The following ELF1 variants were observed in gnomAD, a reference collection of about 807,000 sequenced individuals.
ELF1 encodes the protein E74 like ETS transcription factor 1, also known as ETS-related transcription factor Elf-1.
A neutral mutation model predicts 59.9 loss-of-function variants in ELF1; 24 were observed. The observed-to-expected ratio is 0.40, with a 90% CI of 0.29 to 0.56. The LOEUF (loss-of-function observed/expected upper bound fraction) is 0.56. Among genes scored for constraint, ELF1 ranks in the 20% least tolerant of loss-of-function variants. The pLI, the probability that ELF1 is intolerant of heterozygous loss-of-function variation, is 0.44. For missense variants in ELF1, 627 were observed against 742.2 expected (o/e 0.84, Z 1.80); for synonymous variants, 248 against 266.2 (o/e 0.93, Z 0.67).
At chr13:40,973,508 C>T (rs1182126262) in intron 2 of ELF1, among the ~76,000 whole-genome samples, 1 of 152,084 alleles carries the variant, frequency 6.6e-6, no homozygotes, top group Non-Finnish European at 1.5e-5. Context: ...CTTTTATGTG[C>T]TATGTGTTCA....
intron 1 of ELF1, among the ~76,000 whole-genome samples, chr13:40,990,472 C>T (rs187204932): frequency 2.0e-5 from 3 of 152,176 alleles, no homozygotes; most frequent in Admixed American, 6.5e-5. Context: ...CTTAATGGAA[C>T]CTAATATCAG....
intron 1 of ELF1, among the ~76,000 whole-genome samples, chr13:41,059,300 T>C (rs1013217445): frequency 1.3e-5 from 2 of 152,222 alleles, no homozygotes; most frequent in African/African-American, 4.8e-5. Flanking sequence ...TATTATTCCA[T>C]TCAGTATTCT....
chr13:41,022,597 T>C (rs573040551), upstream of ELF1, among the ~76,000 whole-genome samples: 1 of 152,306 alleles, frequency 6.6e-6, no homozygotes, highest in East Asian at 1.9e-4. Context: ...AAAAGAAATC[T>C]AGGCCAGGCA....
chr13:41,051,254 T>C lies in ELF1; in HGVS notation c.-229+9584A>G, dbSNP rs58422303. 3.5e-3 allele frequency among the ~76,000 whole-genome samples: 531 copies of C among 152,044 alleles called. 3 individuals are homozygous for C. Among genetic ancestry groups the C allele is most frequent in the African/African-American group, 0.012 (512 of 41,504 alleles). ...CAAATGAAAGGCATTCCCACTCATA[T>C]CTGAAATTCTCTGATGCCACCTGCC... On this transcript the variant is annotated intron_variant, in intron 1 of 1. Transcript: ENST00000405737.
At chr13:40,991,133 T>C (rs1166346025) in intron 1 of ELF1, among the ~76,000 whole-genome samples, 1 of 152,202 alleles carries the variant, frequency 6.6e-6, no homozygotes, top group African/African-American at 2.4e-5. Flanking sequence ...TACCAGTTTA[T>C]TTCTCAAAAC....
chr13:40,980,874 C>G (rs2138268436), intron 2 of ELF1, among the ~76,000 whole-genome samples: 1 of 152,200 alleles, frequency 6.6e-6, no homozygotes, highest in East Asian at 1.9e-4. Context: ...CAAGACTAAG[C>G]AATTCTCTCC....
At chr13:41,053,091 C>G (rs763931013) in intron 1 of ELF1, among the ~76,000 whole-genome samples, 8 of 152,188 alleles carry the variant, frequency 5.3e-5, no homozygotes, top group African/African-American at 1.9e-4. Flanking sequence ...CTGTGGCTCA[C>G]GCCTGTAATC....
intron 1 of ELF1, among the ~76,000 whole-genome samples, chr13:41,052,877 T>C (rs576618627): frequency 6.6e-6 from 1 of 152,234 alleles, no homozygotes; most frequent in Non-Finnish European, 1.5e-5. Context: ...CATAGTCTAC[T>C]TCACTTACAA....
intron 2 of ELF1, among the ~76,000 whole-genome samples, chr13:40,978,383 A>T (rs935429881): frequency 2.0e-5 from 3 of 151,898 alleles, no homozygotes; most frequent in African/African-American, 7.3e-5. Flanking sequence ...GTCTCAAAAA[A>T]AAAACAAAAA....
At chr13:40,955,712 C>A (rs1159236671) in intron 3 of ELF1, among the ~76,000 whole-genome samples, 2 of 130,460 alleles carry the variant, frequency 1.5e-5, no homozygotes, top group East Asian at 4.8e-4. Context: ...CCGCCCCATC[C>A]GGGAGGGAGG....
Position 40,941,235 on chromosome 13 carries a change from C to A in ELF1, c.942G>T (p.Ser314=). The A allele has an allele frequency of 1.2e-6, 2 of 1,613,950 alleles. No individual in the cohort carries two copies. Among genetic ancestry groups the A allele is most frequent in the Non-Finnish European group, 1.7e-6 (2 of 1,179,978 alleles). ...PSSSIESSDP[S]LSSSATSNRN... is the part of the protein sequence containing the mutation. The stretch of plus-strand genomic sequence containing the variant: ...TATTTGAAGTGGCTGATGAAGATAG[C>A]GATGGATCTGAAGACTCTATGCTGG... Residue 314 remains serine (S), a synonymous_variant, in exon 8 of 9, where the codon TCG becomes TCT. Coordinates refer to ENST00000239882, the MANE Select transcript of ELF1 (RefSeq NM_172373.4).
chr13:40,968,834 C>T (rs1193298134), intron 2 of ELF1, among the ~76,000 whole-genome samples: 1 of 151,890 alleles, frequency 6.6e-6, no homozygotes, highest in Non-Finnish European at 1.5e-5. Flanking sequence ...ATCTTTCCAC[C>T]TCAGCGACAT....
chr13:40,939,798 C>T lies in ELF1; in HGVS notation c.1256+1123G>A, dbSNP rs377274668. On this transcript the variant is annotated intron_variant, in intron 8 of 8. Transcript: ENST00000239882. ...AAGTATAATGCAACGATTCAAAATC[C>T]GAAACAATTCTAAATCCAAAATATT... Among the ~76,000 whole-genome samples, 20 of 152,174 alleles carry T rather than the reference C, an allele frequency of 1.3e-4. No individual in the cohort carries two copies. In the East Asian group the frequency reaches 2.7e-3, roughly 21 times the overall value.
intron 1 of ELF1, among the ~76,000 whole-genome samples, chr13:41,052,720 A>C (rs1052353941): frequency 2.0e-5 from 3 of 152,160 alleles, no homozygotes; most frequent in Non-Finnish European, 2.9e-5. Flanking sequence ...TGTCTCAATA[A>C]ATAAATAAAT....
At chr13:40,943,803 C>A (rs1870333594) in intron 6 of ELF1, 39 bp downstream of exon 6, 2 of 1,562,204 alleles carry the variant, frequency 1.3e-6, no homozygotes, top group Non-Finnish European at 1.7e-6. Context: ...ATAAAGCAAT[C>A]TGAGTGTTAT....
intron 1 of ELF1, chr13:40,993,207 A>G: frequency 6.5e-7 from 1 of 1,537,498 alleles, no homozygotes. Flanking sequence ...CATTCCTAAC[A>G]GTGAGGCAGG....
intron 1 of ELF1, among the ~76,000 whole-genome samples, chr13:41,030,225 G>A (rs1876106722): frequency 6.6e-6 from 1 of 152,120 alleles, no homozygotes; most frequent in Admixed American, 6.5e-5. Context: ...AAGAAAAAAA[G>A]GCATGTGTGT....
chr13:40,955,592 T>G (rs1462615020), intron 3 of ELF1, among the ~76,000 whole-genome samples: 2 of 10,712 alleles, frequency 1.9e-4, no homozygotes, highest in African/African-American at 2.7e-4. Context: ...GTCCGGGAGG[T>G]GAGGGGCACC....
At chr13:40,992,794 GA>G (rs1873929639) in intron 1 of ELF1, 3 of 406,596 alleles carry the variant, frequency 7.4e-6, no homozygotes. Context: ...GGGCTGGAGA[GA>G]ACTATACATG....
Sources: allele counts gnomAD v4.1 joint callset (sites outside exome capture counted in the v4.1 genomes callset), GRCh38; gene constraint gnomAD v4.1.1; transcripts MANE v1.5; gene names NCBI Gene and HGNC (gene_info 2026-07-23, HGNC 2026-07-21).